Variants in ANO7 observed in about 807,000 individuals in gnomAD.
The protein encoded by ANO7 is anoctamin 7.
In ANO7, 114 loss-of-function variants were observed where a neutral mutation model predicts 115.8. That is an observed-to-expected ratio of 0.98 (90% CI 0.85 to 1.15). The LOEUF (loss-of-function observed/expected upper bound fraction) is 1.15, where lower values mean the gene tolerates loss of function less well. Ranked by LOEUF, ANO7 falls within the 50% of genes most tolerant of loss-of-function variation. The pLI is 0.00. For missense variants in ANO7, 1,302 were observed against 1,201.2 expected (o/e 1.08, Z -1.24); for synonymous variants, 550 against 498.2 (o/e 1.10, Z -1.38).
At chr2:241,198,541 C>G (rs1203258111) in intron 4 of ANO7, among the ~76,000 whole-genome samples, 1 of 152,064 alleles carries the variant, frequency 6.6e-6, no homozygotes, top group African/African-American at 2.4e-5. Context: ...TGTGCCTGGT[C>G]TGCGGTCTGC....
Position 241,203,571 on chromosome 2 carries a change from G to A in ANO7, c.889+73G>A. On this transcript the variant is annotated intron_variant, in intron 9 of 24. Transcript: ENST00000674324. This position sits in a 1 kb window ranked among gnomAD's most constrained non-coding sequence, Gnocchi z 4.8. ...GGTGTCAGGTTGTAACAATTTGCCA[G>A]TCCGTACCCCTGGAGGGCAGCGTGC... The A allele has an allele frequency of 1.7e-6, 2 of 1,177,594 alleles. No homozygotes were observed. Among genetic ancestry groups the A allele is most frequent in the Non-Finnish European group, 2.3e-6 (2 of 869,874 alleles). 72.9% of individuals were successfully genotyped at this position (1,177,594 alleles called of 1,614,324 possible).
intron 3 of ANO7, 86 bp from the exon 4 acceptor site, chr2:241,195,617 G>C (rs555445447): frequency 4.4e-6 from 6 of 1,370,124 alleles, no homozygotes; most frequent in Non-Finnish European, 6.1e-6. Context: ...TCCCCACTGC[G>C]TCCCGGCTGG....
the ANO7 span, chr2:241,238,152 G>A: frequency 6.6e-6 from 1 of 152,440 alleles, no homozygotes; most frequent in African/African-American, 2.4e-5. The surrounding 1 kb of genome is among the most constrained non-coding windows in gnomAD (Gnocchi z 4.9). Context: ...CCACCACCAG[G>A]TGCATGAGCA....
rs776216582 is a variant in ANO7, at chr2:241,202,287, G to A, written c.706G>A (p.Ala236Thr). The A allele has an allele frequency of 1.1e-5, 18 of 1,612,916 alleles. No homozygotes were observed. The highest frequency in any genetic ancestry group is 5.0e-5 in the Admixed American group (3 of 60,000). ...QLLAEGVLSA[A>T]FPLHDGPFKT... ...GCTGGCAGAGGGTGTCCTCAGTGCC[G>A]CCTTCCCCCTGCATGACGTGAGCTC... Residue 236 changes from alanine to threonine, a missense_variant, in exon 8 of 25, where the codon GCC becomes ACC. Coordinates refer to ENST00000674324, the MANE Select transcript of ANO7 (RefSeq NM_001370694.2).
At chr2:241,235,458 C>T in the ANO7 span, 11 of 1,568,810 alleles carry the variant, frequency 7.0e-6, no homozygotes, top group African/African-American at 1.5e-4. Flanking sequence ...CAGGCCACTC[C>T]TGTGACATGG....
chr2:241,197,544 G>A (rs2068373743), intron 4 of ANO7, among the ~76,000 whole-genome samples: 1 of 151,742 alleles, frequency 6.6e-6, no homozygotes. Flanking sequence ...ACACCACCAT[G>A]CCCGGCTAAT....
intron 10 of ANO7, 30 bp from the exon 11 acceptor site, chr2:241,207,544 G>T (rs767073571): frequency 9.4e-6 from 15 of 1,601,458 alleles, no homozygotes; most frequent in Non-Finnish European, 1.3e-5. Context: ...TCCCCCATTA[G>T]CTCCCACCCC....
the ANO7 span, chr2:241,235,702 C>T: frequency 1.4e-6 from 1 of 703,242 alleles, no homozygotes; most frequent in Non-Finnish European, 2.5e-6. Flanking sequence ...CCTATGACAA[C>T]AGCAATGTGC....
At position 241,207,666 on chromosome 2, in the gene ANO7, C is replaced by G. The variant is rs1215844410; in HGVS notation, c.1073C>G (p.Ala358Gly). The G allele has an allele frequency of 1.2e-6, 2 of 1,613,540 alleles. No homozygotes were observed. Among genetic ancestry groups the G allele is most frequent in the Non-Finnish European group, 1.7e-6 (2 of 1,179,916 alleles). The stretch of plus-strand genomic sequence containing the variant: ...CTGCTCTCCAGCGCCTGTGCCCTGG[C>G]CCAGGTACGAGAAGAGGTGGGTGGG... ...FWLLSSACAL[A>G]QAGRLFDHGG... The change falls in exon 11 of 25, where the codon GCC becomes GGC. Residue 358 changes from alanine to glycine, a missense_variant. Coordinates refer to ENST00000674324, the MANE Select transcript of ANO7 (RefSeq NM_001370694.2).
chr2:241,229,620 G>A, downstream of ANO7: 1 of 1,613,928 alleles, frequency 6.2e-7, no homozygotes, highest in Non-Finnish European at 8.5e-7. Context: ...GGGGCCCCAA[G>A]GGAGGGTCTT....
chr2:241,192,011 G>A (rs773916392), intron 3 of ANO7, among the ~76,000 whole-genome samples: 6 of 152,222 alleles, frequency 3.9e-5, no homozygotes, highest in Non-Finnish European at 7.3e-5. Flanking sequence ...GCTGGAAGGC[G>A]TGCATTCGTC....
At chr2:241,191,053 T>G in intron 2 of ANO7, 141 bp from the exon 3 acceptor site, 2 of 933,014 alleles carry the variant, frequency 2.1e-6, no homozygotes, top group Non-Finnish European at 3.4e-6. Context: ...CCGCCGAACA[T>G]TCTTCTGTGG....
the ANO7 span, among the ~76,000 whole-genome samples, chr2:241,237,538 G>T: frequency 6.6e-6 from 1 of 152,344 alleles, no homozygotes; most frequent in East Asian, 1.9e-4. Context: ...CTAGGATGGG[G>T]AAGTAGGTGT....
chr2:241,239,759 C>T, the ANO7 span: 14 of 1,614,038 alleles, frequency 8.7e-6, no homozygotes, highest in East Asian at 4.5e-5. This position sits in a 1 kb window ranked among gnomAD's most constrained non-coding sequence, Gnocchi z 4.6. Context: ...CTGGCCTCTG[C>T]GGATGACGAA....
Position 241,217,861 on chromosome 2 carries a change from G to A in ANO7, c.2148G>A (p.Ala716=). 4 of 1,601,848 alleles carry A rather than the reference G, an allele frequency of 2.5e-6. No individual in the cohort carries two copies. Among genetic ancestry groups the A allele is most frequent in the Non-Finnish European group, 3.4e-6 (4 of 1,177,154 alleles). Residue 716 remains alanine (A), a synonymous_variant, in exon 20 of 25, where the codon GCG becomes GCA. Transcript: ENST00000674324. ...QDIGIWFHIL[A]GLTHLAVISN... ...TCGGCATCTGGTTCCACATCCTGGC[G>A]GGCCTCACGCACCTGGCGGTCATCA...
chr2:241,214,215 G>A (rs1324522275), intron 17 of ANO7, among the ~76,000 whole-genome samples: 1 of 152,230 alleles, frequency 6.6e-6, no homozygotes, highest in Non-Finnish European at 1.5e-5. Context: ...AACCCAGGAG[G>A]TGGAGGCTGC....
chr2:241,229,377 C>A, downstream of ANO7: 1 of 484,408 alleles, frequency 2.1e-6, no homozygotes. Context: ...TGCTCATGAC[C>A]TTGGTTTAGT....
intron 4 of ANO7, among the ~76,000 whole-genome samples, chr2:241,198,372 G>C (rs1395370926): frequency 6.6e-6 from 1 of 152,218 alleles, no homozygotes; most frequent in East Asian, 1.9e-4. Context: ...GGAGGTGGAG[G>C]TGAAAGACAC....
chr2:241,212,035 C>A, intron 15 of ANO7, 59 bp from the exon 16 acceptor site: 2 of 1,397,544 alleles, frequency 1.4e-6, no homozygotes, highest in Non-Finnish European at 1.0e-6. Flanking sequence ...GGAGAGGGGG[C>A]CCCTAGTTGG....
Sources: gnomAD v4.1 joint callset for allele counts (sites outside exome capture counted in the v4.1 genomes callset) on GRCh38, gnomAD v4.1.1 for gene constraint, Gnocchi (gnomAD v3.1) non-coding constraint, MANE v1.5 for transcripts, NCBI Gene and HGNC (gene_info 2026-07-23, HGNC 2026-07-21) for gene names.